The following CACNA1C variants were observed in gnomAD, a reference collection of about 807,000 sequenced individuals.
CACNA1C encodes the protein calcium voltage-gated channel subunit alpha1 C.
Under a neutral mutation model 229.0 loss-of-function variants are expected in CACNA1C, and 30 were observed. The ratio of observed to expected loss-of-function variants is 0.13; its 90% CI spans 0.10 to 0.18. The LOEUF is 0.18. Ranked by LOEUF, CACNA1C falls within the 10% of genes least tolerant of loss-of-function variation. The probability of loss-of-function intolerance (pLI) is 1.00; values close to 1 mark genes in which losing one functional copy is unlikely to be tolerated. For synonymous variants in CACNA1C, 1,114 were observed against 1,132.5 expected, an observed-to-expected ratio of 0.98 and a Z score of 0.33; for missense variants, 1,658 against 2,845.0, an observed-to-expected ratio of 0.58 and a Z score of 9.49.
In CACNA1C at chr12:2,354,589, G is replaced by T. The variant is rs754425482; in HGVS notation, c.478-94387G>T. ...CATGCTCTCCTAGCTATGCTTGTAA[G>T]AAGTGCGTGCTTCTGGTTGGGAGAG... On this transcript the variant is annotated intron_variant, in intron 3 of 46. Coordinates refer to ENST00000399655, the MANE Select transcript of CACNA1C (RefSeq NM_000719.7). This position sits in a 1 kb window ranked among gnomAD's most constrained non-coding sequence, Gnocchi z 4.6. 6.6e-5 allele frequency among the ~76,000 whole-genome samples: 10 copies of T among 152,194 alleles called. No homozygotes were observed. Among genetic ancestry groups the T allele is most frequent in the Non-Finnish European group, 1.2e-4 (8 of 68,038 alleles).
At chr12:2,426,335 G>A (rs1399120187) in intron 3 of CACNA1C, among the ~76,000 whole-genome samples, 2 of 152,216 alleles carry the variant, frequency 1.3e-5, no homozygotes, top group Non-Finnish European at 2.9e-5. Context: ...TGTGAGAGAT[G>A]CCACAAGGTG....
In CACNA1C at chr12:2,289,826, T is replaced by C. The variant is rs559744198; in HGVS notation, c.478-159150T>C. Among the ~76,000 whole-genome samples, 8 of 152,336 alleles carry C rather than the reference T, an allele frequency of 5.3e-5. No individual in the cohort carries two copies. In the South Asian group the frequency reaches 1.0e-3, roughly 20 times the overall value. On this transcript the variant is annotated intron_variant, in intron 3 of 46. Transcript: ENST00000399655. ...GCTTCCCTATTTTGCCATTTACATG[T>C]TCACATTCACTTAGCTCAAGTTACC...
Position 2,597,160 on chromosome 12 carries a change from G to T in CACNA1C, c.2794-70G>T. ...GCCCCTTTTCTGGTGAACATCCACT[G>T]ACCTCTCTTCCCGTCCTGCTTTTCT... is the stretch of plus-strand genomic sequence containing the variant. On this transcript the variant is annotated intron_variant, in intron 20 of 46. Coordinates refer to ENST00000399655, the MANE Select transcript of CACNA1C (RefSeq NM_000719.7). This position sits in a 1 kb window ranked among gnomAD's most constrained non-coding sequence, Gnocchi z 4.3. 1 of 966,940 alleles carries T rather than the reference G, an allele frequency of 1.0e-6. No homozygotes were observed. Among genetic ancestry groups the T allele is most frequent in the Admixed American group, 1.8e-5 (1 of 55,404 alleles). The allele number at this position is 966,940 out of a possible 1,614,324, so 59.9% of individuals were successfully genotyped here. A position where few individuals can be genotyped will look rare whatever the true frequency, so the allele number is the denominator to read the frequency against.
intron 9 of CACNA1C, among the ~76,000 whole-genome samples, chr12:2,540,605 A>G (rs943728162): frequency 1.3e-5 from 2 of 152,200 alleles, no homozygotes; most frequent in African/African-American, 4.8e-5. Context: ...AGGGCACGGC[A>G]GTCCCAGGAG....
At chr12:2,548,716 C>T (rs1174827178) in intron 9 of CACNA1C, among the ~76,000 whole-genome samples, 1 of 152,174 alleles carries the variant, frequency 6.6e-6, no homozygotes, top group African/African-American at 2.4e-5. Flanking sequence ...ACCAACCTGG[C>T]TTGTCTTCAT....
At chr12:2,231,666 G>A (rs923504284) in intron 3 of CACNA1C, among the ~76,000 whole-genome samples, 4 of 152,090 alleles carry the variant, frequency 2.6e-5, no homozygotes, top group East Asian at 1.9e-4. Flanking sequence ...AGCAGCGCCC[G>A]GTACACACCT....
chr12:2,685,236 T>C (rs370089466), intron 43 of CACNA1C, among the ~76,000 whole-genome samples: 2,098 of 150,992 alleles, frequency 0.014, 15 homozygotes, highest in African/African-American at 0.049. Context: ...ACAGCCCTGC[T>C]GTTCACCTAC....
chr12:2,411,697 C>T (rs1340849188), intron 3 of CACNA1C, among the ~76,000 whole-genome samples: 1 of 152,124 alleles, frequency 6.6e-6, no homozygotes, highest in African/African-American at 2.4e-5. Context: ...TGAAGGGAAT[C>T]CAATAAGAAG....
intron 3 of CACNA1C, among the ~76,000 whole-genome samples, chr12:2,214,591 C>T (rs946112080): frequency 2.4e-4 from 37 of 151,292 alleles, no homozygotes; most frequent in African/African-American, 9.0e-4. Flanking sequence ...CCTAGGCGTG[C>T]CCTGAGTCAC....
Position 2,110,321 on chromosome 12 carries a change from C to T in CACNA1C, c.50-4903C>T, listed in dbSNP as rs117496487. Among the ~76,000 whole-genome samples, 1,301 of 152,276 alleles carry T rather than the reference C, an allele frequency of 8.5e-3. 8 individuals carry two copies. The highest frequency in any genetic ancestry group is 0.014 in the Non-Finnish European group (980 of 68,020). On this transcript the variant is annotated intron_variant, in intron 1 of 46. Coordinates refer to ENST00000399655, the MANE Select transcript of CACNA1C (RefSeq NM_000719.7). ...CCATTTGACAGGTGGGAGGCATTTT[C>T]TTATGACTGGGGATGAGGTCACTGC...
At chr12:2,423,763 C>T (rs533289013) in intron 3 of CACNA1C, among the ~76,000 whole-genome samples, 2 of 152,278 alleles carry the variant, frequency 1.3e-5, no homozygotes, top group African/African-American at 4.8e-5. Context: ...ATCCACAGGT[C>T]AGAAGCAGCA....
intron 3 of CACNA1C, among the ~76,000 whole-genome samples, chr12:2,372,224 G>A (rs947597422): frequency 3.3e-5 from 5 of 152,248 alleles, no homozygotes; most frequent in South Asian, 4.1e-4. Context: ...AATTCCCGTC[G>A]TCATCTCCAT....
chr12:2,582,559 G>C (rs902603035), intron 14 of CACNA1C, among the ~76,000 whole-genome samples: 1 of 152,206 alleles, frequency 6.6e-6, no homozygotes, highest in Non-Finnish European at 1.5e-5. Flanking sequence ...TCAAGCATGT[G>C]TGGGGAAAGT....
chr12:2,303,771 T>G (rs1014771072), intron 3 of CACNA1C, among the ~76,000 whole-genome samples: 2 of 152,002 alleles, frequency 1.3e-5, no homozygotes, highest in African/African-American at 4.8e-5. Flanking sequence ...CTGTGCGGAG[T>G]GGGCGCCGGG....
At chr12:2,038,709 A>G (rs1368759465) in intron 1 of CACNA1C, among the ~76,000 whole-genome samples, 1 of 152,214 alleles carries the variant, frequency 6.6e-6, no homozygotes, top group African/African-American at 2.4e-5. Flanking sequence ...CAGCTTTGAC[A>G]TGTGACAACT....
chr12:2,257,451 C>T (rs559551998), intron 3 of CACNA1C, among the ~76,000 whole-genome samples: 2 of 152,306 alleles, frequency 1.3e-5, no homozygotes, highest in East Asian at 1.9e-4. Flanking sequence ...GATCATCAGG[C>T]ATTAGATTCT....
chr12:2,294,582 G>A (rs528698398), intron 3 of CACNA1C, among the ~76,000 whole-genome samples: 2 of 151,994 alleles, frequency 1.3e-5, no homozygotes, highest in Non-Finnish European at 2.9e-5. Flanking sequence ...GCGTGCTGTC[G>A]GGATACATCA....
In CACNA1C at chr12:2,410,851, G is replaced by A. The variant is rs567951796; in HGVS notation, c.478-38125G>A. Among the ~76,000 whole-genome samples, 1 of 151,640 alleles carries A rather than the reference G, an allele frequency of 6.6e-6. No homozygotes were observed. Among genetic ancestry groups the A allele is most frequent in the East Asian group, 1.9e-4 (1 of 5,146 alleles). The stretch of plus-strand genomic sequence containing the variant: ...TGTGTGTGTTTCAGGAGCTGACCCT[G>A]GCTGTGAGGATGGCCTTCCTATCCT... On this transcript the variant is annotated intron_variant, in intron 3 of 46. Transcript: ENST00000399655. This position sits in a 1 kb window ranked among gnomAD's most constrained non-coding sequence, Gnocchi z 5.3.
chr12:2,165,789 G>A (rs149918535), intron 3 of CACNA1C, among the ~76,000 whole-genome samples: 1,528 of 152,252 alleles, frequency 0.01, 28 homozygotes, highest in Non-Finnish European at 8.9e-3. Context: ...AAGGTTTCTA[G>A]CACACAGTGT....
Sources: allele counts gnomAD v4.1 joint callset (sites outside exome capture counted in the v4.1 genomes callset), GRCh38; gene constraint gnomAD v4.1.1; non-coding constraint Gnocchi (gnomAD v3.1); transcripts MANE v1.5; gene names NCBI Gene and HGNC (gene_info 2026-07-23, HGNC 2026-07-21).